Variants in GRXCR1 observed in about 807,000 individuals in gnomAD.
GRXCR1 encodes the protein glutaredoxin domain-containing cysteine-rich protein 1.
A neutral mutation model predicts 27.3 loss-of-function variants in GRXCR1; 27 were observed. The observed-to-expected ratio is 0.99, with a 90% CI of 0.73 to 1.37. The LOEUF is 1.37. Among genes scored for constraint, GRXCR1 ranks in the 40% most tolerant of loss-of-function variants. The probability of loss-of-function intolerance (pLI) is 0.00; values close to 1 mark genes in which losing one functional copy is unlikely to be tolerated. For synonymous variants in GRXCR1, 122 were observed against 131.1 expected (o/e 0.93, Z 0.47); for missense variants, 379 against 354.4 (o/e 1.07, Z -0.56).
chr4:42,973,160 T>C (rs886888919), intron 2 of GRXCR1, among the ~76,000 whole-genome samples: 5 of 152,184 alleles, frequency 3.3e-5, no homozygotes, highest in Non-Finnish European at 7.4e-5. Flanking sequence ...CCAAGTTTGC[T>C]AGTTCCCAGT....
intron 2 of GRXCR1, among the ~76,000 whole-genome samples, chr4:42,972,537 C>T (rs1438452641): frequency 6.6e-6 from 1 of 152,102 alleles, no homozygotes. Flanking sequence ...TCCTGGATAA[C>T]TCAGGATAGT....
chr4:42,928,046 C>T (rs536085651), intron 1 of GRXCR1, among the ~76,000 whole-genome samples: 73 of 152,088 alleles, frequency 4.8e-4, no homozygotes, highest in African/African-American at 1.7e-3. Flanking sequence ...CATATTTATC[C>T]TCCAGTACTT....
chr4:43,014,128 C>T (rs1369530757), intron 2 of GRXCR1, among the ~76,000 whole-genome samples: 2 of 150,942 alleles, frequency 1.3e-5, no homozygotes, highest in Admixed American at 6.6e-5. Flanking sequence ...TACAGAAAAA[C>T]CACGCTCTTT....
chr4:42,959,536 G>A (rs576759138), intron 1 of GRXCR1, among the ~76,000 whole-genome samples: 1 of 151,940 alleles, frequency 6.6e-6, no homozygotes, highest in South Asian at 2.1e-4. Context: ...AAAAGAATAG[G>A]TTTTAGGCAA....
At chr4:42,986,194 C>T (rs1418273585) in intron 2 of GRXCR1, among the ~76,000 whole-genome samples, 1 of 152,154 alleles carries the variant, frequency 6.6e-6, no homozygotes, top group Non-Finnish European at 1.5e-5. Flanking sequence ...AAGCTAAAGA[C>T]CTGACCATAT....
intron 2 of GRXCR1, among the ~76,000 whole-genome samples, chr4:42,978,591 T>G: frequency 6.6e-6 from 1 of 152,222 alleles, no homozygotes; most frequent in Middle Eastern, 3.4e-3. Flanking sequence ...GATTTCTTAT[T>G]AAGATAGTTT....
chr4:42,916,231 G>A (rs1746883798), intron 1 of GRXCR1, among the ~76,000 whole-genome samples: 1 of 152,058 alleles, frequency 6.6e-6, no homozygotes, highest in African/African-American at 2.4e-5. Context: ...CATGATGAAA[G>A]CCCTCAGCAG....
At chr4:42,956,765 T>C (rs1748013664) in intron 1 of GRXCR1, among the ~76,000 whole-genome samples, 1 of 152,112 alleles carries the variant, frequency 6.6e-6, no homozygotes, top group Admixed American at 6.6e-5. Flanking sequence ...GTTTAGAATA[T>C]GCTACTAATG....
At chr4:42,971,068 G>T (rs1748374575) in intron 2 of GRXCR1, among the ~76,000 whole-genome samples, 1 of 152,094 alleles carries the variant, frequency 6.6e-6, no homozygotes, top group African/African-American at 2.4e-5. Context: ...AATCTCCAGG[G>T]CAGGGGAAAG....
intron 2 of GRXCR1, among the ~76,000 whole-genome samples, chr4:43,001,823 T>C (rs1041070927): frequency 7.3e-6 from 1 of 136,330 alleles, no homozygotes; most frequent in African/African-American, 2.9e-5. Context: ...TTATTGATTA[T>C]TATTTTCATT....
chr4:43,030,378 T>A lies in GRXCR1; in HGVS notation c.711T>A (p.His237Gln). 1.9e-6 allele frequency: 3 copies of A among 1,613,690 alleles called. No individual in the cohort carries two copies. The highest frequency in any genetic ancestry group is 4.5e-5 in the East Asian group (2 of 44,860). ...LTKIERVQHP[H>Q]ECPSCGGFGF... ...TTATACAGAGAGTACAGCATCCACA[T>A]GAGTGTCCCTCTTGTGGAGGCTTTG... Residue 237 changes from histidine to glutamine, a missense_variant, in exon 4 of 4, where the codon CAT (histidine) becomes CAA (glutamine). Transcript: ENST00000399770.
At chr4:42,894,366 T>G (rs917864928) in intron 1 of GRXCR1, among the ~76,000 whole-genome samples, 1 of 151,290 alleles carries the variant, frequency 6.6e-6, no homozygotes, top group Non-Finnish European at 1.5e-5. Flanking sequence ...TGATCTAATG[T>G]TAACAAGTTT....
chr4:42,960,238 C>T (rs1748101047), intron 1 of GRXCR1, among the ~76,000 whole-genome samples: 1 of 151,896 alleles, frequency 6.6e-6, no homozygotes, highest in African/African-American at 2.4e-5. Context: ...AGTAAATGTA[C>T]CTATTCGAAG....
chr4:43,009,758 A>C (rs572627467), intron 2 of GRXCR1, among the ~76,000 whole-genome samples: 8 of 151,950 alleles, frequency 5.3e-5, no homozygotes, highest in African/African-American at 1.4e-4. Context: ...TCACCCCCCC[A>C]AATACTCCAC....
At chr4:42,988,064 T>A (rs1445116898) in intron 2 of GRXCR1, among the ~76,000 whole-genome samples, 1 of 152,124 alleles carries the variant, frequency 6.6e-6, no homozygotes, top group African/African-American at 2.4e-5. Context: ...AATAACCTGA[T>A]CCTGAGCTTC....
chr4:42,966,819 T>C (rs76949447), intron 2 of GRXCR1, among the ~76,000 whole-genome samples: 4,651 of 152,258 alleles, frequency 0.031, 79 homozygotes, highest in South Asian at 0.058. Flanking sequence ...TTTAATATGC[T>C]TATTGGTCAT....
intron 1 of GRXCR1, among the ~76,000 whole-genome samples, chr4:42,904,834 C>T (rs1489519945): frequency 2.6e-5 from 4 of 152,068 alleles, no homozygotes; most frequent in African/African-American, 9.7e-5. Context: ...TTATGAGATA[C>T]ACAAAACACA....
chr4:43,025,052 T>C (rs1577950212), intron 3 of GRXCR1, among the ~76,000 whole-genome samples: 1 of 152,178 alleles, frequency 6.6e-6, no homozygotes, highest in Non-Finnish European at 1.5e-5. Context: ...AAAGAAGACA[T>C]GAAGACTCTT....
intron 2 of GRXCR1, among the ~76,000 whole-genome samples, chr4:42,984,675 G>T (rs1711624876): frequency 6.6e-6 from 1 of 152,190 alleles, no homozygotes; most frequent in African/African-American, 2.4e-5. Context: ...CTGGCTTGGT[G>T]CTGGGGTGGA....
Sources: allele counts gnomAD v4.1 joint callset (sites outside exome capture counted in the v4.1 genomes callset), GRCh38; gene constraint gnomAD v4.1.1; transcripts MANE v1.5; gene names NCBI Gene and HGNC (gene_info 2026-07-23, HGNC 2026-07-21).